The following DNAH6 variants were observed in gnomAD, a reference collection of about 807,000 sequenced individuals.
DNAH6 encodes the protein dynein axonemal heavy chain 6.
Under a neutral mutation model 491.4 loss-of-function variants are expected in DNAH6, and 340 were observed. The ratio of observed to expected loss-of-function variants is 0.69; its 90% CI spans 0.63 to 0.76. The LOEUF (loss-of-function observed/expected upper bound fraction) is 0.76, where lower values mean the gene tolerates loss of function less well. DNAH6 is among the 30% of genes least tolerant of loss of function. The pLI, the probability that DNAH6 is intolerant of heterozygous loss-of-function variation, is 0.00. For synonymous variants in DNAH6, 1,603 were observed against 1,686.1 expected (o/e 0.95, Z 1.21); for missense variants, 4,443 against 4,972.2 (o/e 0.89, Z 3.20).
the DNAH6 span, among the ~76,000 whole-genome samples, chr2:84,476,522 C>A: frequency 1.3e-5 from 2 of 152,138 alleles, no homozygotes; most frequent in African/African-American, 4.8e-5. Context: ...TTAATTTTCT[C>A]CATTTTCTGT....
chr2:84,697,753 G>T (rs1378972490), intron 47 of DNAH6, 26 bp downstream of exon 47: 1 of 1,551,132 alleles, frequency 6.4e-7, no homozygotes, highest in Non-Finnish European at 8.7e-7. Context: ...GTAGTTATGT[G>T]GCTTTATCAC....
chr2:84,718,587 C>T (rs749719470), intron 59 of DNAH6, among the ~76,000 whole-genome samples: 1 of 152,202 alleles, frequency 6.6e-6, no homozygotes, highest in Non-Finnish European at 1.5e-5. Flanking sequence ...CTTCTCTTGT[C>T]TTGTCTGCAT....
At chr2:84,708,777 C>G (rs947710866) in intron 54 of DNAH6, among the ~76,000 whole-genome samples, 1 of 152,152 alleles carries the variant, frequency 6.6e-6, no homozygotes, top group Admixed American at 6.5e-5. Context: ...AATGTTTACC[C>G]TTGTCCTTCA....
rs1472819351 is a variant in DNAH6, at chr2:84,605,569, C to G, written c.3151C>G (p.Leu1051Val). The G allele has an allele frequency of 6.4e-7, 1 of 1,551,286 alleles. No homozygotes were observed. The highest frequency in any genetic ancestry group is 8.7e-7 in the Non-Finnish European group (1 of 1,146,746). Residue 1051 changes from leucine (L) to valine (V), a missense_variant, in exon 20 of 77, where the codon CTG becomes GTG. Leu to Val is a conservative substitution (Grantham distance 32). This residue lies in a region of DNAH6 where 2,977 missense variants were observed against 3,296.6 expected (regional missense o/e 0.90). Transcript: ENST00000389394. ...CCGTGACTCCAAAGATGTGTTTATA[C>G]TGGGCGGCACAGATGACATACAGGT... ...PHRDSKDVFILGGTDDIQVLL... is the reference protein window; with the variant it reads ...PHRDSKDVFIVGGTDDIQVLL...
intron 32 of DNAH6, 26 bp from the exon 33 acceptor site, chr2:84,641,921 T>C (rs1689447386): frequency 1.3e-6 from 2 of 1,520,582 alleles, no homozygotes; most frequent in Admixed American, 2.0e-5. Flanking sequence ...CTTGTGATAT[T>C]ATCCGAAATA....
At position 84,681,455 on chromosome 2, in the gene DNAH6, T is replaced by A; in HGVS notation, c.6843T>A (p.Ser2281Arg). ...CAGTTGAGATTTATAACAAAATGAGTGTTGACCTCCTGCCAACACCCGCCA... is the reference window on the plus strand; with the variant it reads ...CAGTTGAGATTTATAACAAAATGAGAGTTGACCTCCTGCCAACACCCGCCA... ...EASVEIYNKM[S>R]VDLLPTPAKS... Residue 2281 changes from serine (S) to arginine (R), a missense_variant, in exon 42 of 77, where the codon AGT (serine) becomes AGA (arginine). Physicochemically the swap from Ser to Arg is moderately radical, Grantham distance 110. This residue lies in a region of DNAH6 where 2,977 missense variants were observed against 3,296.6 expected (regional missense o/e 0.90). Coordinates refer to ENST00000389394, the MANE Select transcript of DNAH6 (RefSeq NM_001370.2). 1 of 1,551,366 alleles carries A rather than the reference T, an allele frequency of 6.4e-7. No individual in the cohort carries two copies. The highest frequency in any genetic ancestry group is 8.7e-7 in the Non-Finnish European group (1 of 1,146,866).
At position 84,658,417 on chromosome 2, in the gene DNAH6, A is replaced by G. The variant is rs765065416; in HGVS notation, c.5883A>G (p.Thr1961=). The change falls in exon 36 of 77, where the codon ACA becomes ACG. Residue 1961 remains threonine, a synonymous_variant. Coordinates refer to ENST00000389394, the MANE Select transcript of DNAH6 (RefSeq NM_001370.2). ...IPQVDISKVT[T]LCCLLESLIL... Reference sequence around the variant, plus strand: ...AAGTGGACATCAGCAAAGTTACTACACTCTGTTGCTTATTGGAGTCCTTGA... The same window carrying G: ...AAGTGGACATCAGCAAAGTTACTACGCTCTGTTGCTTATTGGAGTCCTTGA... The G allele has an allele frequency of 3.2e-5, 50 of 1,547,078 alleles. No individual in the cohort carries two copies. Among genetic ancestry groups the G allele is most frequent in the Non-Finnish European group, 4.4e-5 (50 of 1,144,684 alleles).
chr2:84,774,706 G>A (rs914833289), intron 64 of DNAH6, among the ~76,000 whole-genome samples: 1 of 152,176 alleles, frequency 6.6e-6, no homozygotes, highest in African/African-American at 2.4e-5. Flanking sequence ...CCATTTGTTT[G>A]TGTCATTTAT....
At chr2:84,562,810 T>A (rs1443284308) in intron 11 of DNAH6, among the ~76,000 whole-genome samples, 1 of 152,196 alleles carries the variant, frequency 6.6e-6, no homozygotes, top group African/African-American at 2.4e-5. Flanking sequence ...AGGGTCTCAA[T>A]GAGGAAGGTT....
At chr2:84,787,518 AAT>A (rs1553499615) in intron 68 of DNAH6, among the ~76,000 whole-genome samples, 2 of 86,784 alleles carry the variant, frequency 2.3e-5, no homozygotes, top group South Asian at 6.5e-4. Context: ...CTGCTTTCTC[AAT>A]AATAATAATA....
chr2:84,741,943 T>G (rs1482436457), intron 62 of DNAH6, among the ~76,000 whole-genome samples: 1 of 152,232 alleles, frequency 6.6e-6, no homozygotes, highest in Non-Finnish European at 1.5e-5. Context: ...TCCCTCTTAC[T>G]GTTTCCCTGC....
intron 62 of DNAH6, among the ~76,000 whole-genome samples, chr2:84,739,058 G>A (rs1460546201): frequency 6.6e-6 from 1 of 152,092 alleles, no homozygotes; most frequent in Non-Finnish European, 1.5e-5. Flanking sequence ...GTGATTACTT[G>A]TTTGGGAAAC....
rs546641383 is a variant in DNAH6 at position 84,759,386 on chromosome 2, G to C, written c.10513-3369G>C. On this transcript the variant is annotated intron_variant, in intron 63 of 76. Coordinates refer to ENST00000389394, the MANE Select transcript of DNAH6 (RefSeq NM_001370.2). Reference sequence around the variant, plus strand: ...TAGCCAGATGTGGTGGTGCTTGCCTGTGATCCCAGCTACTTGGGAGGCTGA... The same window carrying C: ...TAGCCAGATGTGGTGGTGCTTGCCTCTGATCCCAGCTACTTGGGAGGCTGA... 3.8e-4 allele frequency among the ~76,000 whole-genome samples: 58 copies of C among 152,186 alleles called. 1 individual carries two copies. In the South Asian group the frequency reaches 9.2e-3, roughly 24 times the overall value.
At chr2:84,795,509 A>G (rs1678261547) in intron 68 of DNAH6, among the ~76,000 whole-genome samples, 1 of 152,092 alleles carries the variant, frequency 6.6e-6, no homozygotes, top group African/African-American at 2.4e-5. Context: ...AGAAAAAACA[A>G]TTTTTTCTTC....
At chr2:84,635,270 T>C (rs528386910) in intron 30 of DNAH6, among the ~76,000 whole-genome samples, 1 of 152,222 alleles carries the variant, frequency 6.6e-6, no homozygotes, top group African/African-American at 2.4e-5. Flanking sequence ...TGGACTATAG[T>C]GAGCTACTAA....
Position 84,669,293 on chromosome 2 carries a change from C to G in DNAH6, c.6089C>G (p.Pro2030Arg). The G allele has an allele frequency of 6.5e-7, 1 of 1,549,844 alleles. No homozygotes were observed. Among genetic ancestry groups the G allele is most frequent in the Non-Finnish European group, 8.7e-7 (1 of 1,145,472 alleles). ...GTGTTTAATTTTGTACTTTAGCTTC[C>G]CAATTCTGGTGATCTGTGGAGCATT... Reference protein sequence around the residue: ...QFDDNPDARLPNSGDLWSIHM... With the variant: ...QFDDNPDARLRNSGDLWSIHM... The change falls in exon 38 of 77, where the codon CCC (proline) becomes CGC (arginine). Residue 2030 changes from proline (P) to arginine (R), a missense_variant. By Grantham distance (103) the Pro-to-Arg change is moderately radical. Coordinates refer to ENST00000389394, the MANE Select transcript of DNAH6 (RefSeq NM_001370.2).
intron 41 of DNAH6, among the ~76,000 whole-genome samples, chr2:84,681,048 T>G (rs1693732201): frequency 1.3e-5 from 2 of 152,140 alleles, no homozygotes; most frequent in Admixed American, 1.3e-4. Flanking sequence ...CCAGGTGGGT[T>G]TGTGCCCTTC....
At chr2:84,611,217 G>T (rs1686293093) in intron 21 of DNAH6, among the ~76,000 whole-genome samples, 1 of 133,472 alleles carries the variant, frequency 7.5e-6, no homozygotes, top group Non-Finnish European at 1.6e-5. Context: ...ATGCTGACAT[G>T]AGCAGGGTTT....
intron 47 of DNAH6, among the ~76,000 whole-genome samples, chr2:84,698,671 C>T (rs968067130): frequency 1.3e-5 from 2 of 152,210 alleles, no homozygotes; most frequent in Admixed American, 1.3e-4. Flanking sequence ...TTTGATCCAG[C>T]AATCCCATTA....
Sources: gnomAD v4.1 joint callset for allele counts (sites outside exome capture counted in the v4.1 genomes callset) on GRCh38, gnomAD v4.1.1 for gene constraint, gnomAD v4.1.1 regional missense constraint, MANE v1.5 for transcripts, NCBI Gene and HGNC (gene_info 2026-07-23, HGNC 2026-07-21) for gene names.